The following SLIT1 variants were observed in gnomAD, a reference collection of about 807,000 sequenced individuals.
SLIT1 encodes slit guidance ligand 1, also known as slit homolog 1 protein.
SLIT1 carries 66 observed loss-of-function variants against 186.1 expected under a neutral mutation model. That is an observed-to-expected ratio of 0.35 (90% CI 0.29 to 0.44). The LOEUF is 0.44. SLIT1 is among the 20% of genes least tolerant of loss of function. The probability of loss-of-function intolerance (pLI) is 1.00; values close to 1 mark genes in which losing one functional copy is unlikely to be tolerated. For synonymous variants in SLIT1, 761 were observed against 833.8 expected (o/e 0.91, Z 1.50); for missense variants, 1,638 against 2,037.4 (o/e 0.80, Z 3.77).
chr10:97,135,150 G>A (rs1849690372), intron 4 of SLIT1, among the ~76,000 whole-genome samples: 1 of 152,226 alleles, frequency 6.6e-6, no homozygotes, highest in African/African-American at 2.4e-5. Context: ...TGCCTGCAGA[G>A]TCGAAGGCAC....
At chr10:97,026,797 A>T (rs1201000935) in intron 25 of SLIT1, among the ~76,000 whole-genome samples, 2 of 152,216 alleles carry the variant, frequency 1.3e-5, no homozygotes, top group Non-Finnish European at 2.9e-5. Context: ...TGTGCAGGGT[A>T]TTGAAGTCCA....
intron 3 of SLIT1, among the ~76,000 whole-genome samples, chr10:97,161,638 C>T (rs1306582165): frequency 6.6e-6 from 1 of 152,106 alleles, no homozygotes; most frequent in African/African-American, 2.4e-5. Flanking sequence ...ATTAGCTGGG[C>T]GTGGTGGCTG....
chr10:97,144,209 A>T lies in SLIT1; in HGVS notation c.413+13609T>A, dbSNP rs1849794346. ...TGAGACTCCATCTCAAAAAAAAAAA[A>T]AGATTAGATTAAGCAGAGATCTATT... On this transcript the variant is annotated intron_variant, in intron 4 of 36. Coordinates refer to ENST00000266058, the MANE Select transcript of SLIT1 (RefSeq NM_003061.3). 2.0e-5 allele frequency among the ~76,000 whole-genome samples: 3 copies of T among 152,116 alleles called. No individual in the cohort carries two copies. In the South Asian group the frequency reaches 6.2e-4, roughly 31 times the overall value.
chr10:97,122,387 G>C (rs1849567325), intron 4 of SLIT1, among the ~76,000 whole-genome samples: 1 of 152,216 alleles, frequency 6.6e-6, no homozygotes. Flanking sequence ...GTGCACCCCA[G>C]CTCTCCAAGG....
intron 4 of SLIT1, among the ~76,000 whole-genome samples, chr10:97,073,173 C>T (rs1849016018): frequency 6.6e-6 from 1 of 152,276 alleles, no homozygotes; most frequent in Middle Eastern, 3.4e-3. Context: ...TCCCAAATCC[C>T]TTTGAAATAA....
At chr10:97,152,255 C>T (rs546551854) in intron 4 of SLIT1, among the ~76,000 whole-genome samples, 4 of 151,532 alleles carry the variant, frequency 2.6e-5, no homozygotes, top group African/African-American at 7.3e-5. Flanking sequence ...CTAAGCCCCT[C>T]GAGAAAAAAA....
intron 4 of SLIT1, among the ~76,000 whole-genome samples, chr10:97,150,845 G>A (rs1349716166): frequency 2.2e-5 from 3 of 135,896 alleles, no homozygotes; most frequent in East Asian, 4.4e-4. Flanking sequence ...GCTGCTGTAA[G>A]AAGCAATCAG....
At chr10:97,062,378 A>G (rs1197391903) in intron 8 of SLIT1, among the ~76,000 whole-genome samples, 1 of 152,210 alleles carries the variant, frequency 6.6e-6, no homozygotes, top group African/African-American at 2.4e-5. Flanking sequence ...GCTTTCCTTC[A>G]GAACTCTGTG....
At chr10:97,089,148 CA>C (rs1589388273) in intron 4 of SLIT1, among the ~76,000 whole-genome samples, 2 of 152,038 alleles carry the variant, frequency 1.3e-5, no homozygotes, top group African/African-American at 4.8e-5. Flanking sequence ...GAATCTGAGA[CA>C]GAGAGAGAAA....
At chr10:97,020,740 T>A (rs2134600412) in intron 26 of SLIT1, among the ~76,000 whole-genome samples, 1 of 152,390 alleles carries the variant, frequency 6.6e-6, no homozygotes, top group African/African-American at 2.4e-5. Context: ...CTTCTGGGGC[T>A]TGAGCTGTCA....
chr10:97,125,424 C>T (rs1165714809), intron 4 of SLIT1, among the ~76,000 whole-genome samples: 3 of 151,444 alleles, frequency 2.0e-5, no homozygotes, highest in Non-Finnish European at 4.4e-5. Context: ...TGGTACCCTA[C>T]TCAGGAGGCT....
intron 4 of SLIT1, among the ~76,000 whole-genome samples, chr10:97,138,200 C>A (rs1353550554): frequency 1.3e-5 from 2 of 152,188 alleles, no homozygotes; most frequent in South Asian, 2.1e-4. Flanking sequence ...GGGCTGATTG[C>A]GGAACCAATC....
chr10:97,037,048 TTGTGTGTGTGTGTGTGTGTGTGTGTG>T (rs59578209), intron 22 of SLIT1, among the ~76,000 whole-genome samples: 1 of 116,882 alleles, frequency 8.6e-6, no homozygotes, highest in East Asian at 2.6e-4. Flanking sequence ...ATAACCCCCT[TTGTGTGTGTGTGTGTGTGTGTGTGTG>T]TGTGTGTGTG....
rs1848511644 is a variant in SLIT1 at position 97,022,636 on chromosome 10, A to G, written c.2583-1223T>C. 6.6e-6 allele frequency among the ~76,000 whole-genome samples: 1 copy of G among 152,204 alleles called. No individual in the cohort carries two copies. The highest frequency in any genetic ancestry group is 1.5e-5 in the Non-Finnish European group (1 of 68,032). ...TAGGCACACATAAAGACATCTGTGC[A>G]ATGGGCCTATTTGTAATGGAAAGAC... On this transcript the variant is annotated intron_variant, in intron 25 of 36. Transcript: ENST00000266058. The surrounding 1 kb of genome is among the most constrained non-coding windows in gnomAD (Gnocchi z 4.2).
chr10:97,138,513 G>C (rs188795056), intron 4 of SLIT1, among the ~76,000 whole-genome samples: 1 of 152,262 alleles, frequency 6.6e-6, no homozygotes, highest in Admixed American at 6.5e-5. Context: ...TGTCCAGCTG[G>C]CTGGGAAAGA....
chr10:97,110,019 G>A (rs1010291495), intron 4 of SLIT1, among the ~76,000 whole-genome samples: 1 of 152,160 alleles, frequency 6.6e-6, no homozygotes, highest in Non-Finnish European at 1.5e-5. Flanking sequence ...ACAGAGCAAA[G>A]GATCAATCCC....
rs551434010 is a variant in SLIT1 at position 97,138,177 on chromosome 10, C to T, written c.413+19641G>A. ...ATACCGAGGGCTGGCATTTTACATA[C>T]GCGGGTTCCGAAGGGCTGATTGCGG... On this transcript the variant is annotated intron_variant, in intron 4 of 36. Coordinates refer to ENST00000266058, the MANE Select transcript of SLIT1 (RefSeq NM_003061.3). Among the ~76,000 whole-genome samples, 11 of 152,312 alleles carry T rather than the reference C, an allele frequency of 7.2e-5. No homozygotes were observed. In the East Asian group the frequency reaches 7.7e-4, roughly 11 times the overall value.
rs912720318 is a variant in SLIT1, at chr10:97,031,696, G to A, written c.2439-19C>T. On this transcript the variant is annotated intron_variant, in intron 23 of 36. Transcript: ENST00000266058. ...GAGGATCCTGCGGAGGAAGGAGATG[G>A]AGGAAGGGCACTGTGTTAGTGCCTG... The A allele has an allele frequency of 1.3e-6, 2 of 1,546,882 alleles. No homozygotes were observed. Among genetic ancestry groups the A allele is most frequent in the African/African-American group, 2.7e-5 (2 of 72,978 alleles).
intron 25 of SLIT1, among the ~76,000 whole-genome samples, chr10:97,026,491 AATAAAT>A (rs1379616911): frequency 1.4e-5 from 2 of 140,686 alleles, no homozygotes; most frequent in African/African-American, 5.0e-5. Flanking sequence ...TAAATAAATA[AATAAAT>A]AAATGTGTTG....
Sources: allele counts gnomAD v4.1 joint callset (sites outside exome capture counted in the v4.1 genomes callset), GRCh38; gene constraint gnomAD v4.1.1; non-coding constraint Gnocchi (gnomAD v3.1); transcripts MANE v1.5; gene names NCBI Gene and HGNC (gene_info 2026-07-23, HGNC 2026-07-21).